Variants in CCDC150 observed in about 807,000 individuals in gnomAD.
The protein encoded by CCDC150 is coiled-coil domain containing 150, also known as coiled-coil domain-containing protein 150.
CCDC150 carries 151 observed loss-of-function variants against 156.5 expected under a neutral mutation model. The ratio of observed to expected loss-of-function variants is 0.97; its 90% confidence interval spans 0.85 to 1.10. CCDC150 has a LOEUF of 1.10. Among genes scored for constraint, CCDC150 ranks in the 50% least tolerant of loss-of-function variants. The pLI is 0.00. For missense variants in CCDC150, 1,312 were observed against 1,268.1 expected (o/e 1.03, Z -0.53); for synonymous variants, 452 against 429.4 (o/e 1.05, Z -0.65).
chr2:196,650,697 GT>G (rs1386427051), intron 2 of CCDC150, among the ~76,000 whole-genome samples: 1 of 152,132 alleles, frequency 6.6e-6, no homozygotes, highest in African/African-American at 2.4e-5. Flanking sequence ...AGCTGCTAGT[GT>G]TTTTATTGAT....
rs746208017 is a variant in CCDC150 at position 196,718,464 on chromosome 2, A to T, written c.1867-39A>T. ...TTTCTATGTCTTATTCTAATCACTG[A>T]TTTGTAATGTTATTTATTGTTTCTT... On this transcript the variant is annotated intron_variant, in intron 17 of 27. Coordinates refer to ENST00000389175, the MANE Select transcript of CCDC150 (RefSeq NM_001080539.2). 2.0e-6 allele frequency: 3 copies of T among 1,506,728 alleles called. No individual in the cohort carries two copies. In the South Asian group the frequency reaches 3.7e-5, roughly 19 times the overall value. 93.3% of individuals were successfully genotyped at this position (1,506,728 alleles called of 1,614,324 possible).
chr2:196,657,957 G>T (rs1034745312), intron 4 of CCDC150, among the ~76,000 whole-genome samples: 1 of 152,108 alleles, frequency 6.6e-6, no homozygotes, highest in Non-Finnish European at 1.5e-5. Flanking sequence ...ACAAGAGTGA[G>T]GATTTGTTTG....
intron 14 of CCDC150, among the ~76,000 whole-genome samples, chr2:196,695,718 CTGTAGT>C (rs896783884): frequency 2.6e-5 from 4 of 151,120 alleles, no homozygotes; most frequent in Non-Finnish European, 5.9e-5. Context: ...TGGCGGATGC[CTGTAGT>C]TCCAGCTACT....
At chr2:196,732,806 G>A (rs1239691450), downstream of CCDC150, 1 of 302,332 alleles carries the variant, frequency 3.3e-6, no homozygotes, top group African/African-American at 2.2e-5. Context: ...ATAGGAGATG[G>A]TGTTGCATAA....
chr2:196,656,525 A>AC, intron 2 of CCDC150, 108 bp from the exon 3 acceptor site: 2 of 753,142 alleles, frequency 2.7e-6, no homozygotes, highest in Non-Finnish European at 4.4e-6. Context: ...TGGTGATGTC[A>AC]CTCTCCAATT....
chr2:196,645,056 G>A (rs766734038), intron 1 of CCDC150, among the ~76,000 whole-genome samples: 1 of 152,064 alleles, frequency 6.6e-6, no homozygotes, highest in Non-Finnish European at 1.5e-5. Flanking sequence ...CTTAGGAGGT[G>A]GAGGTTGCAG....
intron 16 of CCDC150, 132 bp from the exon 17 acceptor site, chr2:196,712,545 A>G: frequency 1.6e-6 from 1 of 632,604 alleles, no homozygotes. Context: ...TCAGAAAAAT[A>G]GATTGTATTA....
Position 196,656,753 on chromosome 2 carries a change from T to A in CCDC150, c.297T>A (p.Phe99Leu). Residue 99 changes from phenylalanine to leucine, a missense_variant, in exon 3 of 28, where the codon TTT becomes TTA. Coordinates refer to ENST00000389175, the MANE Select transcript of CCDC150 (RefSeq NM_001080539.2). Reference sequence around the variant, plus strand: ...ATATTTTATGGAAGAACTGTGAGTTTCTGGTAAATCGAATGTGCCGTCTTG... The same window carrying A: ...ATATTTTATGGAAGAACTGTGAGTTACTGGTAAATCGAATGTGCCGTCTTG... ...KTDILWKNCE[F>L]LVNRMCRLES... is the part of the protein sequence containing the mutation. The A allele has an allele frequency of 1.2e-6, 2 of 1,613,890 alleles. No homozygotes were observed. The highest frequency in any genetic ancestry group is 1.7e-6 in the Non-Finnish European group (2 of 1,179,810).
intron 13 of CCDC150, among the ~76,000 whole-genome samples, chr2:196,689,991 C>G (rs1352894785): frequency 1.3e-5 from 2 of 152,128 alleles, no homozygotes; most frequent in Admixed American, 6.5e-5. Flanking sequence ...TTTTCTGCCT[C>G]TATTGAAATA....
intron 22 of CCDC150, among the ~76,000 whole-genome samples, chr2:196,728,778 A>G (rs1264729836): frequency 6.6e-6 from 1 of 152,148 alleles, no homozygotes; most frequent in African/African-American, 2.4e-5. Context: ...CTTTCTTTAT[A>G]TGATCTTATT....
At chr2:196,725,723 C>T (rs954871418) in intron 21 of CCDC150, among the ~76,000 whole-genome samples, 4 of 152,136 alleles carry the variant, frequency 2.6e-5, no homozygotes, top group African/African-American at 7.2e-5. Context: ...TATTTTTCTT[C>T]GATGTGAGTT....
chr2:196,644,504 G>A (rs1692419735), intron 1 of CCDC150, among the ~76,000 whole-genome samples: 1 of 152,042 alleles, frequency 6.6e-6, no homozygotes, highest in East Asian at 1.9e-4. Context: ...TACTACTTGA[G>A]GAATACTATA....
chr2:196,720,365 T>C (rs1226272082), intron 19 of CCDC150: 1 of 523,258 alleles, frequency 1.9e-6, no homozygotes, highest in African/African-American at 1.9e-5. Context: ...AATAAATTTA[T>C]AAGTGGCTGT....
rs1698579308 is a variant in CCDC150, at chr2:196,732,511, G to C, written c.3255G>C (p.Gln1085His). The C allele has an allele frequency of 6.2e-7, 1 of 1,613,784 alleles. No homozygotes were observed. Among genetic ancestry groups the C allele is most frequent in the Non-Finnish European group, 8.5e-7 (1 of 1,179,740 alleles). ...TTCTGCATCGATGGGAGAGAAAACA[G>C]AATCTTAGGCCCATGCCCAAGAAGT... Reference protein sequence around the residue: ...QSVLHRWERKQNLRPMPKKYH... With the variant: ...QSVLHRWERKHNLRPMPKKYH... Residue 1085 changes from glutamine to histidine, a missense_variant, in exon 28 of 28, where the codon CAG (glutamine) becomes CAC (histidine). Transcript: ENST00000389175.
chr2:196,645,682 G>T (rs1692494173), intron 1 of CCDC150, among the ~76,000 whole-genome samples: 1 of 152,136 alleles, frequency 6.6e-6, no homozygotes. Flanking sequence ...GCGTTTTGGG[G>T]GAGGAGTCTG....
At chr2:196,681,590 C>A (rs983614462) in intron 13 of CCDC150, among the ~76,000 whole-genome samples, 1 of 152,118 alleles carries the variant, frequency 6.6e-6, no homozygotes, top group Admixed American at 6.6e-5. Context: ...TTCTCACCAG[C>A]GATGTACAAA....
intron 13 of CCDC150, 142 bp from the exon 14 acceptor site, chr2:196,694,904 T>A (rs184237174): frequency 1.3e-4 from 65 of 496,628 alleles, no homozygotes; most frequent in African/African-American, 1.0e-3. Context: ...TCAGACTGAC[T>A]GGTCATATTT....
intron 4 of CCDC150, among the ~76,000 whole-genome samples, chr2:196,657,694 A>G (rs1270318895): frequency 6.6e-6 from 1 of 152,214 alleles, no homozygotes; most frequent in Admixed American, 6.5e-5. Context: ...CTACTTGGAA[A>G]AGAAACTAAC....
intron 13 of CCDC150, among the ~76,000 whole-genome samples, chr2:196,679,510 G>A (rs1010645887): frequency 2.6e-5 from 4 of 152,138 alleles, no homozygotes; most frequent in African/African-American, 4.8e-5. Context: ...TTGCCTGGAT[G>A]TATCAGTTTC....
Sources: allele counts gnomAD v4.1 joint callset (sites outside exome capture counted in the v4.1 genomes callset), GRCh38; gene constraint gnomAD v4.1.1; transcripts MANE v1.5; gene names NCBI Gene and HGNC (gene_info 2026-07-23, HGNC 2026-07-21).